TTBK2: variants seen among roughly 807,000 people sequenced by gnomAD.
TTBK2 encodes the protein tau tubulin kinase 2, also known as tau-tubulin kinase 2.
TTBK2 carries 28 observed loss-of-function variants against 110.8 expected under a neutral mutation model. The observed-to-expected ratio is 0.25, with a 90% CI of 0.19 to 0.35. The LOEUF is 0.35. Among genes scored for constraint, TTBK2 ranks in the 10% least tolerant of loss-of-function variants. The probability of loss-of-function intolerance (pLI) is 1.00; values close to 1 mark genes in which losing one functional copy is unlikely to be tolerated. For synonymous variants in TTBK2, 532 were observed against 527.3 expected, an observed-to-expected ratio of 1.01 and a Z score of -0.12; for missense variants, 1,369 against 1,500.3, an observed-to-expected ratio of 0.91 and a Z score of 1.45.
chr15:42,760,989 T>G (rs138264114), intron 13 of TTBK2, among the ~76,000 whole-genome samples: 1 of 152,142 alleles, frequency 6.6e-6, no homozygotes, highest in Non-Finnish European at 1.5e-5. Context: ...AACAGACACA[T>G]AGACCAACAG....
At chr15:42,874,818 T>C (rs1894751699) in intron 2 of TTBK2, among the ~76,000 whole-genome samples, 1 of 151,442 alleles carries the variant, frequency 6.6e-6, no homozygotes. Flanking sequence ...AAAGCCCGTC[T>C]CTACTAAAAT....
intron 13 of TTBK2, among the ~76,000 whole-genome samples, chr15:42,763,146 A>G (rs1364495392): frequency 4.0e-5 from 3 of 75,644 alleles, no homozygotes; most frequent in African/African-American, 2.4e-4. Flanking sequence ...ATACATACAT[A>G]TATATATATA....
At chr15:42,793,574 C>T (rs909619455) in intron 10 of TTBK2, among the ~76,000 whole-genome samples, 8 of 151,894 alleles carry the variant, frequency 5.3e-5, no homozygotes, top group Non-Finnish European at 7.4e-5. Context: ...ATCAGGCCGG[C>T]GCAGTGGCTC....
At chr15:42,747,034 A>C (rs2061802638) in intron 14 of TTBK2, among the ~76,000 whole-genome samples, 1 of 150,596 alleles carries the variant, frequency 6.6e-6, no homozygotes, top group African/African-American at 2.5e-5. Flanking sequence ...GGATGATCAC[A>C]GCTCACTGCA....
Position 42,739,354 on chromosome 15 carries a change from T to C in TTBK2, c.*6441A>G, listed in dbSNP as rs1267585118. ...GGTCTTGTTCAACAAGAAAGAATTC[T>C]GGTTTGTGGCTGAATCTGATTTAAC... On this transcript the variant is annotated 3_prime_UTR_variant, in exon 15 of 15. Coordinates refer to ENST00000267890, the MANE Select transcript of TTBK2 (RefSeq NM_173500.4). 6.6e-6 allele frequency: 1 copy of C among 152,270 alleles called. No homozygotes were observed. Among genetic ancestry groups the C allele is most frequent in the African/African-American group, 2.4e-5 (1 of 41,474 alleles). The allele number at this position is 152,270 out of a possible 1,614,324, so 9.4% of individuals were successfully genotyped here.
intron 7 of TTBK2, 103 bp downstream of exon 7, chr15:42,816,929 C>CATAT (rs140189140): frequency 7.1e-5 from 31 of 435,512 alleles, no homozygotes; most frequent in South Asian, 3.5e-4. Flanking sequence ...AACAAATATA[C>CATAT]ATATATATAT....
intron 7 of TTBK2, among the ~76,000 whole-genome samples, 160 bp downstream of exon 7, chr15:42,816,872 T>TG (rs1298480461): frequency 1.3e-5 from 2 of 151,612 alleles, no homozygotes; most frequent in Admixed American, 6.6e-5. Context: ...TGAGCCAAGA[T>TG]CGGGCCACTG....
chr15:42,799,636 A>G (rs1000281625), intron 9 of TTBK2, among the ~76,000 whole-genome samples: 3 of 151,948 alleles, frequency 2.0e-5, no homozygotes, highest in African/African-American at 7.2e-5. Context: ...GGGTTTTGCC[A>G]TGTCGGCCAG....
chr15:42,763,106 A>ATATATATATACG (rs1567008455), intron 13 of TTBK2, among the ~76,000 whole-genome samples: 8 of 113,520 alleles, frequency 7.0e-5, no homozygotes, highest in African/African-American at 2.8e-4. Flanking sequence ...ATATATACGT[A>ATATATATATACG]TATATATATA....
intron 14 of TTBK2, among the ~76,000 whole-genome samples, chr15:42,748,029 A>G (rs1329811758): frequency 2.6e-5 from 4 of 152,338 alleles, no homozygotes; most frequent in Non-Finnish European, 5.9e-5. Context: ...GCATGATATA[A>G]AACACAATTA....
At chr15:42,918,500 A>C (rs892024393) in intron 1 of TTBK2, among the ~76,000 whole-genome samples, 3 of 152,214 alleles carry the variant, frequency 2.0e-5, no homozygotes, top group Admixed American at 6.5e-5. Flanking sequence ...TTTTAAAGTT[A>C]TAAAGCATAT....
chr15:42,858,082 AAACAACAAC>A (rs146437594), intron 3 of TTBK2, among the ~76,000 whole-genome samples: 11 of 151,606 alleles, frequency 7.3e-5, no homozygotes, highest in Non-Finnish European at 1.5e-4. Context: ...AAAAAACCCA[AAACAACAAC>A]AACAACAACA....
chr15:42,845,835 G>A (rs1171040972), intron 3 of TTBK2, among the ~76,000 whole-genome samples: 1 of 151,922 alleles, frequency 6.6e-6, no homozygotes, highest in Admixed American at 6.6e-5. Flanking sequence ...TACATGCCTA[G>A]GCCTATATGG....
Position 42,775,219 on chromosome 15 carries a change from T to C in TTBK2, c.1914A>G (p.Glu638=), listed in dbSNP as rs1595896770. The C allele has an allele frequency of 6.2e-7, 1 of 1,614,120 alleles. No individual in the cohort carries two copies. Among genetic ancestry groups the C allele is most frequent in the Admixed American group, 1.7e-5 (1 of 60,016 alleles). Reference sequence around the variant, plus strand: ...ACTGACTAGCAGCTCCAGGCTGGAGTTCCAGCCTATCTGTATATTGTTCTG... The same window carrying C: ...ACTGACTAGCAGCTCCAGGCTGGAGCTCCAGCCTATCTGTATATTGTTCTG... ...AASEQYTDRL[E]LQPGAASQFI... is the part of the protein sequence containing the mutation. The change falls in exon 13 of 15, where the codon GAA becomes GAG. Residue 638 remains glutamate, a synonymous_variant. Transcript: ENST00000267890.
In TTBK2 at chr15:42,779,446, C is replaced by G. The variant is rs115925195; in HGVS notation, c.1198-2204G>C. Among the ~76,000 whole-genome samples, 338 of 149,332 alleles carry G rather than the reference C, an allele frequency of 2.3e-3. 1 individual carries two copies. The highest frequency in any genetic ancestry group is 8.0e-3 in the African/African-American group (327 of 40,724). On this transcript the variant is annotated intron_variant, in intron 11 of 14. Transcript: ENST00000267890. Reference sequence around the variant, plus strand: ...AAAGAAAGAAAACAAACCAAAAAAACCCCCGACTTTATATTTGGCATAAAC... The same window carrying G: ...AAAGAAAGAAAACAAACCAAAAAAAGCCCCGACTTTATATTTGGCATAAAC...
chr15:42,859,393 C>CAGT (rs1202787869), intron 3 of TTBK2, among the ~76,000 whole-genome samples: 1 of 152,170 alleles, frequency 6.6e-6, no homozygotes, highest in Non-Finnish European at 1.5e-5. Context: ...CAGGCATGAG[C>CAGT]AGTGCACCAT....
intron 1 of TTBK2, among the ~76,000 whole-genome samples, chr15:42,908,911 G>A (rs4924699): frequency 0.12 from 18,752 of 152,044 alleles, 1,332 homozygotes; most frequent in South Asian, 0.23. Context: ...TAGTATATTC[G>A]TCCTGTATAT....
At chr15:42,840,678 G>A (rs778248498) in intron 3 of TTBK2, 8 of 563,086 alleles carry the variant, frequency 1.4e-5, no homozygotes, top group Non-Finnish European at 1.9e-5. Flanking sequence ...TATGAATGAG[G>A]AAACAAATGT....
intron 13 of TTBK2, among the ~76,000 whole-genome samples, chr15:42,770,963 T>C (rs1473486087): frequency 3.3e-5 from 5 of 149,690 alleles, no homozygotes; most frequent in Non-Finnish European, 7.4e-5. Context: ...GAACTATTTC[T>C]TTTTTTTCTT....
Sources: gnomAD v4.1 joint callset for allele counts (sites outside exome capture counted in the v4.1 genomes callset) on GRCh38, gnomAD v4.1.1 for gene constraint, MANE v1.5 for transcripts, NCBI Gene and HGNC (gene_info 2026-07-23, HGNC 2026-07-21) for gene names.